The following KIF24 variants were observed in gnomAD, a reference collection of about 807,000 sequenced individuals.
The protein encoded by KIF24 is kinesin-like protein KIF24.
Under a neutral mutation model 118.9 loss-of-function variants are expected in KIF24, and 81 were observed. That is an observed-to-expected ratio of 0.68 (90% CI 0.57 to 0.82). KIF24 has a LOEUF of 0.82. Among genes scored for constraint, KIF24 ranks in the 40% least tolerant of loss-of-function variants. The pLI is 0.00. For missense variants in KIF24, 1,560 were observed against 1,661.6 expected (o/e 0.94, Z 1.06); for synonymous variants, 599 against 610.0 (o/e 0.98, Z 0.27).
chr9:34,257,842 T>C lies in KIF24; in HGVS notation c.1765A>G (p.Lys589Glu), dbSNP rs1009658216. 1.2e-6 allele frequency: 2 copies of C among 1,614,044 alleles called. No homozygotes were observed. The highest frequency in any genetic ancestry group is 2.7e-5 in the African/African-American group (2 of 75,070). ...SEDKCSPKKV[K>E]LGFQQSLTVA... ...GTGAGTGACTGCTGAAATCCCAGCTTGACTTTTTTGGGAGAACATTTGTCC... is the reference window on the plus strand; with the variant it reads ...GTGAGTGACTGCTGAAATCCCAGCTCGACTTTTTTGGGAGAACATTTGTCC... The change falls in exon 11 of 13, where the codon AAG becomes GAG. Residue 589 changes from lysine (K) to glutamate (E), a missense_variant. Lys to Glu is a moderately conservative substitution (Grantham distance 56). Transcript: ENST00000402558.
At chr9:34,289,632 A>C (rs751864678) in intron 5 of KIF24, among the ~76,000 whole-genome samples, 2 of 152,230 alleles carry the variant, frequency 1.3e-5, no homozygotes, top group Non-Finnish European at 2.9e-5. Flanking sequence ...TAGGTGTTTA[A>C]AAGCAGAGTT....
At chr9:34,292,100 C>T (rs146273987) in intron 4 of KIF24, among the ~76,000 whole-genome samples, 1 of 152,310 alleles carries the variant, frequency 6.6e-6, no homozygotes, top group East Asian at 1.9e-4. Flanking sequence ...CATCCCTCTG[C>T]TCACCTGAAA....
chr9:34,319,634 C>T, intron 1 of KIF24: 1 of 873,538 alleles, frequency 1.1e-6, no homozygotes, highest in South Asian at 1.4e-5. Flanking sequence ...CTAAGGTTGA[C>T]AAGATGCAAG....
At chr9:34,300,300 G>C (rs1473950526) in intron 3 of KIF24, among the ~76,000 whole-genome samples, 1 of 151,936 alleles carries the variant, frequency 6.6e-6, no homozygotes, top group Admixed American at 6.6e-5. Flanking sequence ...CAGGCACATA[G>C]AGAGGTCATT....
At chr9:34,276,452 A>G (rs1835665962) in intron 6 of KIF24, among the ~76,000 whole-genome samples, 1 of 151,894 alleles carries the variant, frequency 6.6e-6, no homozygotes, top group African/African-American at 2.4e-5. Flanking sequence ...ATTTTTTCTC[A>G]ATCTCTCACC....
intron 7 of KIF24, among the ~76,000 whole-genome samples, chr9:34,269,710 C>T (rs1400703185): frequency 3.9e-5 from 6 of 152,020 alleles, no homozygotes; most frequent in Admixed American, 6.6e-5. Context: ...TGAGCCACCG[C>T]GCCTGGCCAG....
intron 9 of KIF24, among the ~76,000 whole-genome samples, chr9:34,262,673 A>C (rs868073981): frequency 1.7e-4 from 4 of 24,086 alleles, no homozygotes; most frequent in Non-Finnish European, 3.0e-4. Context: ...AAAAAAAAAA[A>C]AAATATATAT....
Position 34,318,745 on chromosome 9 carries a change from G to C in KIF24, c.-25-7374C>G. The C allele has an allele frequency of 1.3e-6, 2 of 1,504,412 alleles. No homozygotes were observed. The highest frequency in any genetic ancestry group is 9.1e-7 in the Non-Finnish European group (1 of 1,095,980). The allele number at this position is 1,504,412 out of a possible 1,614,324, so 93.2% of individuals were successfully genotyped here. ...AGGTGCACGCCGGCGTGGGCGAGCCGCTGCGTTCACTCAGCAACTCCACCG... is the reference window on the plus strand; with the variant it reads ...AGGTGCACGCCGGCGTGGGCGAGCCCCTGCGTTCACTCAGCAACTCCACCG... On this transcript the variant is annotated intron_variant, in intron 1 of 12. Coordinates refer to ENST00000402558, the MANE Select transcript of KIF24 (RefSeq NM_194313.4). The surrounding 1 kb of genome is among the most constrained non-coding windows in gnomAD (Gnocchi z 4.9).
At chr9:34,263,717 G>A (rs1032555307) in intron 8 of KIF24, among the ~76,000 whole-genome samples, 4 of 149,576 alleles carry the variant, frequency 2.7e-5, no homozygotes, top group South Asian at 4.3e-4. Context: ...CTACCCCCTC[G>A]TTTTATTTAT....
intron 6 of KIF24, among the ~76,000 whole-genome samples, chr9:34,276,070 TGG>T (rs1236484269): frequency 6.6e-6 from 1 of 152,078 alleles, no homozygotes; most frequent in Non-Finnish European, 1.5e-5. Context: ...CACTACACTG[TGG>T]GGCACTTACA....
intron 1 of KIF24, among the ~76,000 whole-genome samples, chr9:34,316,554 C>T (rs1423502650): frequency 6.6e-6 from 1 of 152,148 alleles, no homozygotes; most frequent in Non-Finnish European, 1.5e-5. Flanking sequence ...TCACTCTGAA[C>T]ACTTCATATG....
At chr9:34,330,948 G>C (rs979091882), upstream of KIF24, among the ~76,000 whole-genome samples, 7 of 151,820 alleles carry the variant, frequency 4.6e-5, no homozygotes, top group Middle Eastern at 0.01. Context: ...GCGACAGAGG[G>C]AGACTCCGTC....
At chr9:34,313,799 G>A (rs1333472815) in intron 1 of KIF24, among the ~76,000 whole-genome samples, 2 of 145,856 alleles carry the variant, frequency 1.4e-5, no homozygotes, top group South Asian at 2.2e-4. Context: ...CCAGGCTGGA[G>A]TGCAGTGGTG....
In KIF24 at chr9:34,296,741, T is replaced by A. The variant is rs111369144; in HGVS notation, c.911+276A>T. ...AAAAGCTTAATTTTTCTTTTTTTTT[T>A]AACACCCTTTCACTATCTATCACAA... On this transcript the variant is annotated intron_variant, in intron 4 of 12. Coordinates refer to ENST00000402558, the MANE Select transcript of KIF24 (RefSeq NM_194313.4). 5.0e-3 allele frequency among the ~76,000 whole-genome samples: 747 copies of A among 148,686 alleles called. 5 individuals carry two copies. The highest frequency in any genetic ancestry group is 0.017 in the African/African-American group (703 of 41,158).
chr9:34,307,860 GAAAAAA>G (rs57149308), intron 2 of KIF24, among the ~76,000 whole-genome samples: 1 of 113,986 alleles, frequency 8.8e-6, no homozygotes, highest in Non-Finnish European at 1.7e-5. Flanking sequence ...GACTCTGTCT[GAAAAAA>G]AAAAAAAAAA....
At chr9:34,311,805 T>TAC (rs1587967523) in intron 1 of KIF24, among the ~76,000 whole-genome samples, 1 of 141,880 alleles carries the variant, frequency 7.0e-6, no homozygotes, top group East Asian at 2.3e-4. Context: ...CATATATATA[T>TAC]ACACATAGAT....
intron 6 of KIF24, among the ~76,000 whole-genome samples, chr9:34,283,621 C>A (rs1835934825): frequency 6.6e-6 from 1 of 152,026 alleles, no homozygotes; most frequent in Non-Finnish European, 1.5e-5. Context: ...ACTGGGAAAA[C>A]AAGCCACAGA....
chr9:34,258,051 G>T, intron 10 of KIF24, 70 bp from the exon 11 acceptor site: 1 of 1,218,510 alleles, frequency 8.2e-7, no homozygotes, highest in Non-Finnish European at 1.2e-6. Context: ...ATAGCTTTCT[G>T]GGAAAACAAA....
chr9:34,297,258 A>G, intron 3 of KIF24, 144 bp from the exon 4 acceptor site: 1 of 574,174 alleles, frequency 1.7e-6, no homozygotes. Context: ...ATAAGCAATC[A>G]CTATTAAATG....
Sources: gnomAD v4.1 joint callset for allele counts (sites outside exome capture counted in the v4.1 genomes callset) on GRCh38, gnomAD v4.1.1 for gene constraint, Gnocchi (gnomAD v3.1) non-coding constraint, MANE v1.5 for transcripts, NCBI Gene and HGNC (gene_info 2026-07-23, HGNC 2026-07-21) for gene names.